AAK1: variants seen among roughly 807,000 people sequenced by gnomAD.
The protein encoded by AAK1 is AP2-associated protein kinase 1.
AAK1 carries 37 observed loss-of-function variants against 116.0 expected under a neutral mutation model. The ratio of observed to expected loss-of-function variants is 0.32; its 90% CI spans 0.25 to 0.42. The LOEUF is 0.42. AAK1 is among the 10% of genes least tolerant of loss of function. AAK1 has a pLI of 1.00. For missense variants in AAK1, 919 were observed against 1,170.6 expected (o/e 0.79, Z 3.14); for synonymous variants, 458 against 439.9 (o/e 1.04, Z -0.51).
At chr2:69,510,742 C>T (rs1255634594) in intron 13 of AAK1, among the ~76,000 whole-genome samples, 2 of 152,090 alleles carry the variant, frequency 1.3e-5, no homozygotes, top group African/African-American at 4.8e-5. Flanking sequence ...ATATAAGATC[C>T]TATTTCTGTG....
intron 16 of AAK1, among the ~76,000 whole-genome samples, chr2:69,497,359 G>A (rs1268117916): frequency 7.7e-6 from 1 of 130,466 alleles, no homozygotes; most frequent in African/African-American, 3.1e-5. Context: ...CTGGAGTACA[G>A]TGGTGCAATT....
chr2:69,468,130 T>A lies in AAK1; in HGVS notation c.*7739A>T, dbSNP rs779363440. 5.8e-5 allele frequency: 57 copies of A among 985,006 alleles called. No homozygotes were observed. The highest frequency in any genetic ancestry group is 6.4e-5 in the Non-Finnish European group (53 of 829,702). 61.0% of individuals were successfully genotyped at this position (985,006 alleles called of 1,614,324 possible). A position where few individuals can be genotyped will look rare whatever the true frequency, so the allele number is the denominator to read the frequency against. ...GAATAAGATTTTGAAAAGAATAAAT[T>A]TTTCCTTGTATTATAATTTTAGTAT... On this transcript the variant is annotated 3_prime_UTR_variant, in exon 22 of 22. Coordinates refer to ENST00000409085, the MANE Select transcript of AAK1 (RefSeq NM_014911.5).
At chr2:69,496,769 G>A (rs1366331266) in intron 16 of AAK1, among the ~76,000 whole-genome samples, 1 of 151,970 alleles carries the variant, frequency 6.6e-6, no homozygotes. Context: ...ATGTGTATAG[G>A]TACTTCCTAT....
intron 15 of AAK1, among the ~76,000 whole-genome samples, chr2:69,506,939 C>G (rs1039127142): frequency 6.6e-6 from 1 of 151,272 alleles, no homozygotes; most frequent in Non-Finnish European, 1.5e-5. Context: ...AGAAGTATAT[C>G]TTCTATTTAT....
chr2:69,497,295 C>CTTTTTTTTTTTT (rs1176401016), intron 16 of AAK1, among the ~76,000 whole-genome samples: 9 of 76,086 alleles, frequency 1.2e-4, no homozygotes, highest in African/African-American at 3.9e-4. Flanking sequence ...CATTATCATT[C>CTTTTTTTTTTTT]TTTTTTTTTT....
rs1669746377 is a variant in AAK1, at chr2:69,520,842, T to C, written c.1202A>G (p.Gln401Arg). The C allele has an allele frequency of 6.5e-7, 1 of 1,549,942 alleles. No homozygotes were observed. The highest frequency in any genetic ancestry group is 8.7e-7 in the Non-Finnish European group (1 of 1,154,906). Residue 401 changes from glutamine (Q) to arginine (R), a missense_variant, in exon 11 of 22, where the codon CAG (glutamine) becomes CGG (arginine). Gln to Arg is a conservative substitution (Grantham distance 43, BLOSUM62 1). This residue lies in a region of AAK1 where 214 missense variants were observed against 210.6 expected (regional missense o/e 1.02). Coordinates refer to ENST00000409085, the MANE Select transcript of AAK1 (RefSeq NM_014911.5). Reference sequence around the variant, plus strand: ...CCAATCTAGATACAAACCTGCAGCCTGAGGTGGGGGCTGAACAGTGGCCCT... The same window carrying C: ...CCAATCTAGATACAAACCTGCAGCCCGAGGTGGGGGCTGAACAGTGGCCCT... ...RKRATVQPPP[Q>R]AAGSSNQPGL...
At chr2:69,598,528 C>CA (rs1673410561) in intron 2 of AAK1, 1 of 143,384 alleles carries the variant, frequency 7.0e-6, no homozygotes, top group Admixed American at 6.9e-5. Context: ...TTTTTTTTTT[C>CA]TTTTTTTTGA....
At chr2:69,622,839 G>C (rs771581611) in intron 2 of AAK1, among the ~76,000 whole-genome samples, 2 of 152,116 alleles carry the variant, frequency 1.3e-5, no homozygotes, top group South Asian at 2.1e-4. Context: ...TAGTGGGGAC[G>C]TGGAGAACTT....
chr2:69,599,812 C>T (rs1673479440), intron 2 of AAK1, among the ~76,000 whole-genome samples: 2 of 152,134 alleles, frequency 1.3e-5, no homozygotes, highest in Admixed American at 1.3e-4. Flanking sequence ...GGGTCTCACT[C>T]TGTCACTGAG....
intron 2 of AAK1, among the ~76,000 whole-genome samples, chr2:69,558,947 G>T (rs938556047): frequency 6.6e-6 from 1 of 152,060 alleles, no homozygotes; most frequent in African/African-American, 2.4e-5. Context: ...GCTTGAGTAG[G>T]TTTTTGTTCC....
intron 10 of AAK1, among the ~76,000 whole-genome samples, chr2:69,521,520 C>G (rs1028104165): frequency 1.3e-5 from 2 of 152,154 alleles, no homozygotes; most frequent in African/African-American, 4.8e-5. Flanking sequence ...GTAAATAATT[C>G]AAGTCAAAGG....
chr2:69,558,958 T>A (rs1341074172), intron 2 of AAK1, among the ~76,000 whole-genome samples: 1 of 152,192 alleles, frequency 6.6e-6, no homozygotes, highest in African/African-American at 2.4e-5. Context: ...TTTTTGTTCC[T>A]TGCAACCATA....
rs1047682965 is a variant in AAK1 at position 69,465,487 on chromosome 2, G to C, written c.*10382C>G. 4.6e-5 allele frequency: 59 copies of C among 1,290,812 alleles called. No homozygotes were observed. Among genetic ancestry groups the C allele is most frequent in the Non-Finnish European group, 5.9e-5 (58 of 988,904 alleles). 80.0% of individuals were successfully genotyped at this position (1,290,812 alleles called of 1,614,324 possible). ...AGAGCAAATGGATCAGCAGCTGGCA[G>C]CTCCGTAGTCCTGGAGGAAAGGGAT... On this transcript the variant is annotated 3_prime_UTR_variant, in exon 22 of 22. Coordinates refer to ENST00000409085, the MANE Select transcript of AAK1 (RefSeq NM_014911.5).
chr2:69,565,911 G>C (rs1399448715), intron 2 of AAK1, among the ~76,000 whole-genome samples: 1 of 152,134 alleles, frequency 6.6e-6, no homozygotes, highest in African/African-American at 2.4e-5. Context: ...TCCACGGTGA[G>C]AGCTTGGGTG....
chr2:69,465,740 G>A lies in AAK1; in HGVS notation c.*10129C>T. 1 of 1,290,912 alleles carries A rather than the reference G, an allele frequency of 7.7e-7. No homozygotes were observed. The highest frequency in any genetic ancestry group is 1.5e-5 in the African/African-American group (1 of 65,964). The allele number at this position is 1,290,912 out of a possible 1,614,324, so 80.0% of individuals were successfully genotyped here. On this transcript the variant is annotated 3_prime_UTR_variant, in exon 22 of 22. Coordinates refer to ENST00000409085, the MANE Select transcript of AAK1 (RefSeq NM_014911.5). ...CATTAGAATGACCCCCAGATTCCAG[G>A]CAGGATCCCCTGGGAGAGATGCTGT...
intron 5 of AAK1, 30 bp downstream of exon 5, chr2:69,542,493 A>T: frequency 6.2e-7 from 1 of 1,612,900 alleles, no homozygotes; most frequent in African/African-American, 1.3e-5. Flanking sequence ...ATTGAGTAGA[A>T]TGCCCGTAAT....
At chr2:69,584,093 T>C (rs1057448336) in intron 2 of AAK1, among the ~76,000 whole-genome samples, 12 of 152,210 alleles carry the variant, frequency 7.9e-5, no homozygotes, top group African/African-American at 2.9e-4. Context: ...GAGCCCTCCA[T>C]GGCTGCTTCA....
In AAK1 at chr2:69,475,434, G is replaced by A. The variant is rs1252977295; in HGVS notation, c.*435C>T. ...GCATCAGGATAAAAAGCAAAAACAG[G>A]GAAATACATTCATCAGCATCTGGCC... On this transcript the variant is annotated 3_prime_UTR_variant, in exon 22 of 22. Coordinates refer to ENST00000409085, the MANE Select transcript of AAK1 (RefSeq NM_014911.5). The A allele has an allele frequency of 1.0e-5, 10 of 999,628 alleles. No homozygotes were observed. Among genetic ancestry groups the A allele is most frequent in the Admixed American group, 5.5e-5 (1 of 18,196 alleles). The allele number at this position is 999,628 out of a possible 1,614,324, so 61.9% of individuals were successfully genotyped here.
chr2:69,488,705 C>T (rs1045574776), intron 17 of AAK1, among the ~76,000 whole-genome samples: 1 of 152,108 alleles, frequency 6.6e-6, no homozygotes, highest in Admixed American at 6.6e-5. Flanking sequence ...CCATATTTTA[C>T]TCAAATGTCT....
Sources: gnomAD v4.1 joint callset for allele counts (sites outside exome capture counted in the v4.1 genomes callset) on GRCh38, gnomAD v4.1.1 for gene constraint, gnomAD v4.1.1 regional missense constraint, MANE v1.5 for transcripts, NCBI Gene and HGNC (gene_info 2026-07-23, HGNC 2026-07-21) for gene names.